Variants in GRIK4 observed in about 807,000 individuals in gnomAD.
The protein encoded by GRIK4 is glutamate ionotropic receptor kainate type subunit 4, also known as glutamate receptor ionotropic, kainate 4.
GRIK4 carries 40 observed loss-of-function variants against 104.9 expected under a neutral mutation model. The ratio of observed to expected loss-of-function variants is 0.38; its 90% CI spans 0.30 to 0.50. The LOEUF (loss-of-function observed/expected upper bound fraction) is 0.50. Among genes scored for constraint, GRIK4 ranks in the 20% least tolerant of loss-of-function variants. The pLI, the probability that GRIK4 is intolerant of heterozygous loss-of-function variation, is 0.93. For synonymous variants in GRIK4, 485 were observed against 524.9 expected (o/e 0.92, Z 1.04); for missense variants, 1,047 against 1,308.1 (o/e 0.80, Z 3.08).
intron 9 of GRIK4, chr11:120,872,099 T>C (rs1356760043): frequency 2.8e-6 from 1 of 356,870 alleles, no homozygotes. Context: ...CTAACATCTG[T>C]CTGGACCTGA....
chr11:120,566,594 G>A (rs1240675154), intron 1 of GRIK4, among the ~76,000 whole-genome samples: 1 of 152,114 alleles, frequency 6.6e-6, no homozygotes, highest in Non-Finnish European at 1.5e-5. Flanking sequence ...TTTCTGAGTG[G>A]GTAGTACAAT....
At chr11:120,636,504 G>A (rs1182143715) in intron 1 of GRIK4, among the ~76,000 whole-genome samples, 2 of 152,228 alleles carry the variant, frequency 1.3e-5, no homozygotes, top group East Asian at 1.9e-4. Context: ...TGGGGAGACT[G>A]TGTTGGGAGT....
chr11:120,538,326 G>A (rs1947999527), intron 1 of GRIK4, among the ~76,000 whole-genome samples: 1 of 152,166 alleles, frequency 6.6e-6, no homozygotes, highest in Admixed American at 6.5e-5. Context: ...TTGACTACAG[G>A]TGGGGAACTT....
At chr11:120,962,154 C>T (rs138706931) in intron 17 of GRIK4, among the ~76,000 whole-genome samples, 1 of 152,272 alleles carries the variant, frequency 6.6e-6, no homozygotes, top group African/African-American at 2.4e-5. Flanking sequence ...TGGAGGTTGG[C>T]AGTAGAAGAG....
intron 6 of GRIK4, among the ~76,000 whole-genome samples, chr11:120,830,334 G>A (rs1008753750): frequency 6.6e-6 from 1 of 152,190 alleles, no homozygotes; most frequent in African/African-American, 2.4e-5. Flanking sequence ...CTCATGGTAA[G>A]AGGGTTGGAT....
chr11:120,695,634 G>T (rs536831441), intron 3 of GRIK4, among the ~76,000 whole-genome samples: 20 of 147,598 alleles, frequency 1.4e-4, no homozygotes, highest in African/African-American at 5.0e-4. Context: ...GGCCGCCACG[G>T]GTGGGAGGCA....
chr11:120,724,675 A>G (rs1005731839), intron 3 of GRIK4, among the ~76,000 whole-genome samples: 2 of 152,232 alleles, frequency 1.3e-5, no homozygotes, highest in Non-Finnish European at 2.9e-5. Flanking sequence ...GTCTAAGCCT[A>G]GAAACTAACT....
At chr11:120,882,030 C>T (rs1380275562) in intron 11 of GRIK4, among the ~76,000 whole-genome samples, 2 of 152,154 alleles carry the variant, frequency 1.3e-5, no homozygotes, top group Non-Finnish European at 2.9e-5. Context: ...ACCATCAAAG[C>T]GCCCTGCCTG....
intron 11 of GRIK4, among the ~76,000 whole-genome samples, chr11:120,886,699 A>G (rs1458293416): frequency 2.6e-5 from 4 of 152,228 alleles, no homozygotes; most frequent in Non-Finnish European, 1.5e-5. Flanking sequence ...AGTGAGTTTC[A>G]GCCAAGAGAG....
intron 1 of GRIK4, among the ~76,000 whole-genome samples, chr11:120,585,216 T>C (rs1222225734): frequency 6.6e-6 from 1 of 152,250 alleles, no homozygotes; most frequent in Non-Finnish European, 1.5e-5. Context: ...CAATGGACCC[T>C]TGGGTTGCTT....
chr11:120,653,081 C>CCATT lies in GRIK4; in HGVS notation c.-158-588_-158-585dup, dbSNP rs199624207. The stretch of plus-strand genomic sequence containing the variant: ...CTTTAAAAAATGCAAAGTGAAATAG[C>CCATT]CATTCATTCATTCATTCATGCATGC... On this transcript the variant is annotated intron_variant, in intron 1 of 20. Transcript: ENST00000527524. 1.8e-3 allele frequency among the ~76,000 whole-genome samples: 269 copies of CCATT among 152,290 alleles called. 5 individuals carry two copies. The East Asian group carries it at 0.033, about 18-fold the overall frequency.
intron 3 of GRIK4, among the ~76,000 whole-genome samples, chr11:120,718,252 A>G (rs1950871473): frequency 6.6e-6 from 1 of 151,104 alleles, no homozygotes; most frequent in Non-Finnish European, 1.5e-5. Flanking sequence ...CCTCCCAGCC[A>G]CTCCCTCCTC....
At chr11:120,631,617 T>C (rs1386685321) in intron 1 of GRIK4, among the ~76,000 whole-genome samples, 5 of 152,104 alleles carry the variant, frequency 3.3e-5, no homozygotes, top group Non-Finnish European at 7.4e-5. Flanking sequence ...CAGAGGCCTT[T>C]GGGGGCAATG....
intron 1 of GRIK4, among the ~76,000 whole-genome samples, chr11:120,519,618 C>A (rs868807744): frequency 1.3e-5 from 2 of 152,112 alleles, no homozygotes; most frequent in Non-Finnish European, 2.9e-5. Flanking sequence ...ATGATAATAA[C>A]CTTAAGTTTA....
intron 1 of GRIK4, among the ~76,000 whole-genome samples, chr11:120,548,413 A>T (rs1025896756): frequency 6.6e-6 from 1 of 151,890 alleles, no homozygotes; most frequent in Non-Finnish European, 1.5e-5. Context: ...AGCAGAGGGG[A>T]TGGCCCCAGC....
chr11:120,985,808 G>T, intron 20 of GRIK4, 96 bp from the exon 21 acceptor site: 12 of 1,086,200 alleles, frequency 1.1e-5, no homozygotes, highest in African/African-American at 1.6e-5. Flanking sequence ...ACGATTCTGT[G>T]ACCGCTGCCC....
intron 20 of GRIK4, among the ~76,000 whole-genome samples, chr11:120,982,626 T>C (rs966847346): frequency 1.1e-4 from 17 of 152,056 alleles, no homozygotes; most frequent in South Asian, 4.2e-4. Context: ...AGAGACAGGG[T>C]TAACATAAAC....
intron 1 of GRIK4, among the ~76,000 whole-genome samples, chr11:120,583,394 T>A (rs1443852736): frequency 6.6e-6 from 1 of 152,248 alleles, no homozygotes. Flanking sequence ...TTGGAGTTGC[T>A]TTTGGTGTCT....
intron 8 of GRIK4, chr11:120,858,291 C>G (rs1954171280): frequency 6.6e-6 from 1 of 152,102 alleles, no homozygotes; most frequent in Non-Finnish European, 1.5e-5. Flanking sequence ...AACTTTAATC[C>G]CTTCCATTCC....
Sources: allele counts gnomAD v4.1 joint callset (sites outside exome capture counted in the v4.1 genomes callset), GRCh38; gene constraint gnomAD v4.1.1; transcripts MANE v1.5; gene names NCBI Gene and HGNC (gene_info 2026-07-23, HGNC 2026-07-21).